Variants in RELCH observed in about 807,000 individuals in gnomAD.
RELCH encodes the protein RAB11 binding and LisH domain, coiled-coil and HEAT repeat containing.
Under a neutral mutation model 150.3 loss-of-function variants are expected in RELCH, and 41 were observed. That is an observed-to-expected ratio of 0.27 (90% confidence interval 0.21 to 0.35). The LOEUF is 0.35. Among genes scored for constraint, RELCH ranks in the 10% least tolerant of loss-of-function variants. The pLI is 1.00. For missense variants in RELCH, 1,092 were observed against 1,467.8 expected (o/e 0.74, Z 4.18); for synonymous variants, 478 against 531.8 (o/e 0.90, Z 1.39).
At chr18:62,227,202 A>C in intron 5 of RELCH, 87 bp from the exon 6 acceptor site, 1 of 913,580 alleles carries the variant, frequency 1.1e-6, no homozygotes, top group South Asian at 1.7e-5. Context: ...TCTTAAAAAA[A>C]AAAAAGATAT....
In RELCH at chr18:62,306,923, AAAC is replaced by A. The variant is rs1332243864; in HGVS notation, c.*1392_*1394del. The A allele has an allele frequency of 6.6e-6, 1 of 152,658 alleles. No homozygotes were observed. The highest frequency in any genetic ancestry group is 2.4e-5 in the African/African-American group (1 of 41,468). 9.5% of individuals were successfully genotyped at this position (152,658 alleles called of 1,614,324 possible). A position where few individuals can be genotyped will look rare whatever the true frequency, so the allele number is the denominator to read the frequency against. ...AGCTTACCATACATTCAAGTTTATA[AAAC>A]AATTTGCCATAGGCAAAGCCATTTA... is the stretch of plus-strand genomic sequence containing the variant. On this transcript the variant is annotated 3_prime_UTR_variant, in exon 29 of 29. Coordinates refer to ENST00000644646, the MANE Select transcript of RELCH (RefSeq NM_001346231.2).
Position 62,264,782 on chromosome 18 carries a change from G to A in RELCH, c.2561G>A (p.Cys854Tyr), listed in dbSNP as rs568940190. 5.0e-6 allele frequency: 8 copies of A among 1,607,750 alleles called. No homozygotes were observed. Among genetic ancestry groups the A allele is most frequent in the East Asian group, 2.2e-5 (1 of 44,732 alleles). ...VGKINVTSTACVHEFSRFFWR... is the reference protein window; with the variant it reads ...VGKINVTSTAYVHEFSRFFWR... ...AAAATTAATGTTACTTCAACTGCCT[G>A]TGTCCATGAATTCTCCAGATTTTTC... The change falls in exon 18 of 29, where the codon TGT (cysteine) becomes TAT (tyrosine). Residue 854 changes from cysteine (C) to tyrosine (Y), a missense_variant. This residue lies in a region of RELCH where 707 missense variants were observed against 1,025.4 expected (regional missense o/e 0.69). Transcript: ENST00000644646.
At chr18:62,220,060 CAA>C (rs2040752396) in intron 2 of RELCH, among the ~76,000 whole-genome samples, 1 of 151,988 alleles carries the variant, frequency 6.6e-6, no homozygotes, top group South Asian at 2.1e-4. Flanking sequence ...TATTTTTTCT[CAA>C]GTCTAACATT....
intron 25 of RELCH, chr18:62,286,070 A>G (rs550721610): frequency 4.6e-5 from 7 of 152,334 alleles, no homozygotes; most frequent in African/African-American, 1.7e-4. Flanking sequence ...AGGGGATATT[A>G]TGCAGTGTGA....
At chr18:62,239,510 A>G (rs1393041951) in intron 10 of RELCH, among the ~76,000 whole-genome samples, 1 of 152,120 alleles carries the variant, frequency 6.6e-6, no homozygotes, top group African/African-American at 2.4e-5. Flanking sequence ...AATGGTAAAA[A>G]TGATGTGCTA....
chr18:62,235,148 T>C (rs949643982), intron 10 of RELCH: 4 of 152,082 alleles, frequency 2.6e-5, no homozygotes, highest in African/African-American at 9.7e-5. Flanking sequence ...TTTTTATATA[T>C]GGAGTAAAAC....
chr18:62,209,559 T>A (rs561972756), intron 1 of RELCH, among the ~76,000 whole-genome samples: 2 of 152,194 alleles, frequency 1.3e-5, no homozygotes, highest in Admixed American at 6.5e-5. Context: ...GTATCAGTCC[T>A]CCATCTTTAT....
At chr18:62,271,381 A>C (rs2043892179) in intron 20 of RELCH, among the ~76,000 whole-genome samples, 1 of 152,062 alleles carries the variant, frequency 6.6e-6, no homozygotes, top group Non-Finnish European at 1.5e-5. Context: ...TGGCTGCATA[A>C]ATGTCTTCTT....
At chr18:62,261,003 A>G (rs2043243245) in intron 15 of RELCH, among the ~76,000 whole-genome samples, 1 of 151,994 alleles carries the variant, frequency 6.6e-6, no homozygotes, top group Non-Finnish European at 1.5e-5. Context: ...GTTAACAATA[A>G]TGTGTTATAT....
At chr18:62,269,040 C>A in intron 20 of RELCH, 92 bp downstream of exon 20, 1 of 528,512 alleles carries the variant, frequency 1.9e-6, no homozygotes, top group Admixed American at 3.3e-5. Flanking sequence ...ACATTGCTAC[C>A]AATAAAGAAA....
chr18:62,263,287 C>A (rs536471832), intron 16 of RELCH, among the ~76,000 whole-genome samples: 1 of 152,160 alleles, frequency 6.6e-6, no homozygotes, highest in Admixed American at 6.6e-5. Flanking sequence ...TATTGCCAAG[C>A]ATATGCTGGA....
At chr18:62,293,453 C>A (rs980904713) in intron 27 of RELCH, among the ~76,000 whole-genome samples, 1 of 152,056 alleles carries the variant, frequency 6.6e-6, no homozygotes, top group Non-Finnish European at 1.5e-5. Flanking sequence ...TCACTTTTTG[C>A]TCATAAAGCC....
chr18:62,201,199 T>G (rs2039420662), intron 1 of RELCH, among the ~76,000 whole-genome samples: 1 of 152,048 alleles, frequency 6.6e-6, no homozygotes, highest in Non-Finnish European at 1.5e-5. Flanking sequence ...GGTCTCGATC[T>G]CCTGACCTTG....
At chr18:62,239,732 C>T (rs755326217) in intron 10 of RELCH, among the ~76,000 whole-genome samples, 1 of 151,860 alleles carries the variant, frequency 6.6e-6, no homozygotes, top group Non-Finnish European at 1.5e-5. Flanking sequence ...ACTTTTTTGC[C>T]CCTAGTCACT....
At chr18:62,197,707 T>C (rs917785286) in intron 1 of RELCH, among the ~76,000 whole-genome samples, 1 of 152,202 alleles carries the variant, frequency 6.6e-6, no homozygotes. Context: ...TTACCAAGAT[T>C]CAGCAAAAGA....
intron 10 of RELCH, 25 bp downstream of exon 10, chr18:62,232,452 TC>T: frequency 7.6e-7 from 1 of 1,316,794 alleles, no homozygotes; most frequent in Non-Finnish European, 1.1e-6. Flanking sequence ...AGTATTTTCG[TC>T]CCAGTAATCC....
At chr18:62,291,441 G>T (rs2045129315) in intron 26 of RELCH, 102 bp from the exon 27 acceptor site, 2 of 598,924 alleles carry the variant, frequency 3.3e-6, no homozygotes, top group Non-Finnish European at 5.9e-6. Flanking sequence ...TATGCCATAG[G>T]TATGATATAA....
Position 62,275,470 on chromosome 18 carries a change from T to C in RELCH, c.2964T>C (p.Phe988=), listed in dbSNP as rs1355572045. 6.3e-7 allele frequency: 1 copy of C among 1,598,358 alleles called. No individual in the cohort carries two copies. The highest frequency in any genetic ancestry group is 1.7e-5 in the Admixed American group (1 of 59,804). ...ALVRCTAARM[F]ELLVKGVNET... ...TGAGGTGTACTGCTGCTAGAATGTT[T>C]GAGGTATGTCAACACATGCCTCTGT... Residue 988 remains phenylalanine (F), a synonymous_variant, in exon 22 of 29, where the codon TTT becomes TTC. Transcript: ENST00000644646.
At chr18:62,195,428 A>G (rs1432512604) in intron 1 of RELCH, among the ~76,000 whole-genome samples, 1 of 152,128 alleles carries the variant, frequency 6.6e-6, no homozygotes. Context: ...TGAGCAGGTT[A>G]TAGTAACTTA....
Sources: gnomAD v4.1 joint callset for allele counts (sites outside exome capture counted in the v4.1 genomes callset) on GRCh38, gnomAD v4.1.1 for gene constraint, gnomAD v4.1.1 regional missense constraint, MANE v1.5 for transcripts, NCBI Gene and HGNC (gene_info 2026-07-23, HGNC 2026-07-21) for gene names.